Variants in DCLRE1C observed in about 807,000 individuals in gnomAD.
DCLRE1C encodes the protein DNA cross-link repair 1C.
A neutral mutation model predicts 61.4 loss-of-function variants in DCLRE1C; 47 were observed. That is an observed-to-expected ratio of 0.77 (90% CI 0.61 to 0.98). DCLRE1C has a LOEUF of 0.98. Ranked by LOEUF, DCLRE1C falls within the 50% of genes least tolerant of loss-of-function variation. The pLI, the probability that DCLRE1C is intolerant of heterozygous loss-of-function variation, is 0.00. For synonymous variants in DCLRE1C, 337 were observed against 287.6 expected (o/e 1.17, Z -1.74); for missense variants, 858 against 816.0 (o/e 1.05, Z -0.63).
chr10:14,901,324 A>G, downstream of DCLRE1C: 1 of 1,600,682 alleles, frequency 6.2e-7, no homozygotes, highest in Non-Finnish European at 8.5e-7. Context: ...AAATCAGACT[A>G]GGAACAGACC....
rs1233124648 is a variant in DCLRE1C, at chr10:14,905,614, T to G, written c.*2794A>C. On this transcript the variant is annotated 3_prime_UTR_variant, in exon 14 of 14. Coordinates refer to ENST00000378278, the MANE Select transcript of DCLRE1C (RefSeq NM_001033855.3). ...AACTAGTTTATACTATTCAAACATTTAAGTCCTGGAACTCTTCTCCAAGAT... is the reference window on the plus strand; with the variant it reads ...AACTAGTTTATACTATTCAAACATTGAAGTCCTGGAACTCTTCTCCAAGAT... 6.6e-6 allele frequency among the ~76,000 whole-genome samples: 1 copy of G among 152,252 alleles called. No individual in the cohort carries two copies. The highest frequency in any genetic ancestry group is 2.4e-5 in the African/African-American group (1 of 41,466).
chr10:14,948,557 A>T (rs1284259778), intron 2 of DCLRE1C, among the ~76,000 whole-genome samples: 1 of 152,154 alleles, frequency 6.6e-6, no homozygotes, highest in Non-Finnish European at 1.5e-5. Context: ...ATACAAAGTT[A>T]AGTAAAGTAA....
At chr10:14,903,770 A>G (rs1834175594), downstream of DCLRE1C, 1 of 152,116 alleles carries the variant, frequency 6.6e-6, no homozygotes, top group African/African-American at 2.4e-5. Context: ...AATGCAGCAA[A>G]TCTAGCTTTC....
chr10:14,928,366 A>G (rs943283310), intron 9 of DCLRE1C, among the ~76,000 whole-genome samples: 12 of 152,224 alleles, frequency 7.9e-5, no homozygotes, highest in African/African-American at 2.9e-4. Flanking sequence ...CTTCAAAACC[A>G]TCAATGTGAA....
chr10:14,910,728 C>T (rs1212195733), intron 13 of DCLRE1C, among the ~76,000 whole-genome samples: 1 of 152,092 alleles, frequency 6.6e-6, no homozygotes, highest in Non-Finnish European at 1.5e-5. Context: ...GCATAAAAGG[C>T]ACAAAAGATT....
chr10:14,934,691 A>T lies in DCLRE1C; in HGVS notation c.537+12T>A, dbSNP rs374321822. ...ACCCAGATGATAACCCTGTTCCTCCAGGCAGACTTACCCGACTTGGAATTT... is the reference window on the plus strand; with the variant it reads ...ACCCAGATGATAACCCTGTTCCTCCTGGCAGACTTACCCGACTTGGAATTT... On this transcript the variant is annotated intron_variant, in intron 7 of 13. Transcript: ENST00000378278. 1.2e-5 allele frequency: 20 copies of T among 1,613,590 alleles called. No homozygotes were observed. The African/African-American group carries it at 2.4e-4, about 19-fold the overall frequency.
chr10:14,918,479 C>T (rs1222409646), intron 13 of DCLRE1C, among the ~76,000 whole-genome samples: 1 of 152,070 alleles, frequency 6.6e-6, no homozygotes, highest in African/African-American at 2.4e-5. Context: ...GAGGGAATTA[C>T]AAAGGGGCAT....
intron 4 of DCLRE1C, among the ~76,000 whole-genome samples, chr10:14,938,767 A>G (rs1222907103): frequency 6.6e-6 from 1 of 152,206 alleles, no homozygotes; most frequent in East Asian, 1.9e-4. Context: ...AAAAATATTA[A>G]TCACCATTTT....
rs772982087 is a variant in DCLRE1C, at chr10:14,909,264, G to T, written c.1223C>A (p.Pro408Gln). ...PIPLRHKVPYPETFHPEVFSM... is the reference protein window; with the variant it reads ...PIPLRHKVPYQETFHPEVFSM... ...AAATACCTCAGGGTGAAAAGTTTCC[G>T]GGTATGGAACTTTGTGCCTTAAAGG... is the stretch of plus-strand genomic sequence containing the variant. The change falls in exon 14 of 14, where the codon CCG (proline) becomes CAG (glutamine). Residue 408 changes from proline to glutamine, a missense_variant. Around this residue, in one of 2 missense-constraint regions of DCLRE1C, gnomAD observed 843 missense variants for 783.5 expected, o/e 1.08. Coordinates refer to ENST00000378278, the MANE Select transcript of DCLRE1C (RefSeq NM_001033855.3). 1.2e-6 allele frequency: 2 copies of T among 1,613,776 alleles called. No individual in the cohort carries two copies. The highest frequency in any genetic ancestry group is 1.3e-5 in the African/African-American group (1 of 75,008).
chr10:14,929,318 C>T (rs1035188847), intron 9 of DCLRE1C, among the ~76,000 whole-genome samples: 2 of 151,974 alleles, frequency 1.3e-5, no homozygotes, highest in African/African-American at 2.4e-5. Context: ...GCGGGAGAAT[C>T]GCTTGAACCC....
At chr10:14,926,992 A>G in intron 10 of DCLRE1C, 95 bp from the exon 11 acceptor site, 1 of 1,003,312 alleles carries the variant, frequency 1.0e-6, no homozygotes, top group South Asian at 1.3e-5. Context: ...TCTAGCATGA[A>G]ACCACTCTAA....
chr10:14,929,576 A>G (rs1306917142), intron 9 of DCLRE1C, among the ~76,000 whole-genome samples: 1 of 152,100 alleles, frequency 6.6e-6, no homozygotes, highest in Non-Finnish European at 1.5e-5. Context: ...TGGGGGGTCG[A>G]GGCTACAGTG....
intron 11 of DCLRE1C, chr10:14,923,512 T>A (rs116781096): frequency 4.9e-6 from 1 of 202,434 alleles, no homozygotes; most frequent in Admixed American, 5.4e-5. Context: ...GGTCTCAGAA[T>A]TGCATTTCTT....
chr10:14,921,970 A>T (rs976235195), intron 12 of DCLRE1C, among the ~76,000 whole-genome samples: 1 of 152,122 alleles, frequency 6.6e-6, no homozygotes, highest in African/African-American at 2.4e-5. Context: ...GTCTGTCCCC[A>T]TCGGGGTCTG....
intron 2 of DCLRE1C, among the ~76,000 whole-genome samples, chr10:14,948,770 T>TATATATATATATATATATATATATATATA (rs1554800030): frequency 2.0e-4 from 29 of 143,672 alleles, no homozygotes; most frequent in African/African-American, 7.3e-4. Flanking sequence ...TTTGGTAGGA[T>TATATATATATATATATATATATATATATA]TATATATATA....
At chr10:14,931,451 G>A (rs1023694880) in intron 9 of DCLRE1C, among the ~76,000 whole-genome samples, 16 of 152,168 alleles carry the variant, frequency 1.1e-4, no homozygotes, top group African/African-American at 3.1e-4. Flanking sequence ...TCAGCTACTC[G>A]GGAGGCTGAG....
downstream of DCLRE1C, chr10:14,899,724 T>C: frequency 1.2e-6 from 2 of 1,607,214 alleles, no homozygotes; most frequent in Non-Finnish European, 1.7e-6. Context: ...CGACTAACAA[T>C]TCAACCTAGT....
At chr10:14,902,021 A>G (rs1304514448), downstream of DCLRE1C, among the ~76,000 whole-genome samples, 1 of 152,200 alleles carries the variant, frequency 6.6e-6, no homozygotes, top group East Asian at 1.9e-4. Context: ...GATGGCCTTT[A>G]CATATTGTCA....
chr10:14,945,251 G>C (rs1243668722), intron 2 of DCLRE1C, 62 bp from the exon 3 acceptor site: 16 of 1,517,522 alleles, frequency 1.1e-5, no homozygotes, highest in Non-Finnish European at 1.4e-5. Context: ...TGGTGACTAA[G>C]AAATCTATTT....
Sources: allele counts gnomAD v4.1 joint callset (sites outside exome capture counted in the v4.1 genomes callset), GRCh38; gene constraint gnomAD v4.1.1; regional missense constraint gnomAD v4.1.1; transcripts MANE v1.5; gene names NCBI Gene and HGNC (gene_info 2026-07-23, HGNC 2026-07-21).